Variants in LTBP1 observed in about 807,000 individuals in gnomAD.
LTBP1 encodes latent transforming growth factor beta binding protein 1, also known as latent-transforming growth factor beta-binding protein 1.
LTBP1 carries 129 observed loss-of-function variants against 207.6 expected under a neutral mutation model. That is an observed-to-expected ratio of 0.62 (90% CI 0.54 to 0.72). The LOEUF is 0.72. LTBP1 is among the 30% of genes least tolerant of loss of function. The probability of loss-of-function intolerance (pLI) is 0.00; values close to 1 mark genes in which losing one functional copy is unlikely to be tolerated. For missense variants in LTBP1, 2,281 were observed against 2,217.2 expected (o/e 1.03, Z -0.58); for synonymous variants, 963 against 833.7 (o/e 1.16, Z -2.67).
chr2:33,254,163 T>G (rs1055138644), intron 11 of LTBP1, among the ~76,000 whole-genome samples: 1 of 152,086 alleles, frequency 6.6e-6, no homozygotes, highest in Non-Finnish European at 1.5e-5. Context: ...ATTACAGGGA[T>G]GGTTCCACTC....
At position 32,947,215 on chromosome 2, in the gene LTBP1, G is replaced by A; in HGVS notation, c.-110G>A. On this transcript the variant is annotated 5_prime_UTR_variant, in exon 1 of 34. Transcript: ENST00000404816. ...GACTTGGTCTCCTCCCGCCTTTCCC[G>A]GGCTCTCGGCAGCTCTCGGGGGAGC... is the stretch of plus-strand genomic sequence containing the variant. The A allele has an allele frequency of 3.5e-6, 3 of 851,402 alleles. No individual in the cohort carries two copies. The highest frequency in any genetic ancestry group is 1.8e-5 in the African/African-American group (1 of 56,438). 52.7% of individuals were successfully genotyped at this position (851,402 alleles called of 1,614,324 possible).
intron 3 of LTBP1, among the ~76,000 whole-genome samples, chr2:33,041,302 TG>T (rs770713832): frequency 1.5e-4 from 23 of 152,230 alleles, no homozygotes; most frequent in Non-Finnish European, 2.2e-4. Flanking sequence ...TTTTCTTTTT[TG>T]AGACGGAGTC....
At chr2:33,176,389 C>T (rs1395166236) in intron 5 of LTBP1, among the ~76,000 whole-genome samples, 3 of 151,978 alleles carry the variant, frequency 2.0e-5, no homozygotes. Flanking sequence ...CCACGCCCGG[C>T]TAATTTTTTG....
At chr2:33,015,622 G>C (rs1004985435) in intron 2 of LTBP1, among the ~76,000 whole-genome samples, 1 of 134,276 alleles carries the variant, frequency 7.4e-6, no homozygotes, top group Non-Finnish European at 1.6e-5. Flanking sequence ...TACAAAGGTC[G>C]TGATAGGGCT....
intron 18 of LTBP1, among the ~76,000 whole-genome samples, chr2:33,277,799 C>T (rs4670378): frequency 0.12 from 4,754 of 40,812 alleles, 13 homozygotes; most frequent in African/African-American, 0.2. Context: ...CTTTCTTTCT[C>T]TCTCTCTTTC....
intron 5 of LTBP1, among the ~76,000 whole-genome samples, chr2:33,156,847 G>A (rs760731800): frequency 2.0e-5 from 3 of 152,026 alleles, no homozygotes; most frequent in Non-Finnish European, 4.4e-5. Context: ...ATATTTTTAT[G>A]TCATTTAGCT....
intron 22 of LTBP1, among the ~76,000 whole-genome samples, chr2:33,306,827 C>A (rs2094104521): frequency 6.6e-6 from 1 of 152,116 alleles, no homozygotes; most frequent in Non-Finnish European, 1.5e-5. Flanking sequence ...CAGTGGCTCA[C>A]ACCTGTAATC....
intron 3 of LTBP1, among the ~76,000 whole-genome samples, chr2:33,104,614 C>G (rs979077549): frequency 3.9e-5 from 6 of 152,164 alleles, no homozygotes; most frequent in East Asian, 1.9e-4. Context: ...CCTCTTCTGA[C>G]TTTTTGGCCT....
chr2:33,177,241 C>T (rs1274711105), intron 5 of LTBP1, among the ~76,000 whole-genome samples: 3 of 152,176 alleles, frequency 2.0e-5, no homozygotes, highest in Non-Finnish European at 1.5e-5. Context: ...AGCACATTGC[C>T]TTGCATACTA....
At chr2:33,382,375 G>A (rs1039669326) in intron 31 of LTBP1, among the ~76,000 whole-genome samples, 10 of 152,080 alleles carry the variant, frequency 6.6e-5, no homozygotes, top group South Asian at 2.1e-4. Flanking sequence ...GATTATAGGC[G>A]TGAGCCACGG....
rs1393473281 is a variant in LTBP1 at position 33,000,919 on chromosome 2, T to TG, written c.566-19989dup. Among the ~76,000 whole-genome samples the TG allele has an allele frequency of 2.2e-5, 3 of 134,584 alleles. 1 individual carries two copies. Among genetic ancestry groups the TG allele is most frequent in the Non-Finnish European group, 4.9e-5 (3 of 61,248 alleles). The allele number at this position is 134,584 out of a possible 152,430, so 88.3% of individuals were successfully genotyped here. ...CATGTATTAAGCTTCAGTGTACAATTGCATTTGAAAAGAGGATTTTTTTTC... is the reference window on the plus strand; with the variant it reads ...CATGTATTAAGCTTCAGTGTACAATTGGCATTTGAAAAGAGGATTTTTTTTC... On this transcript the variant is annotated intron_variant, in intron 2 of 33. Transcript: ENST00000404816.
chr2:33,306,457 C>A (rs1035593514), intron 22 of LTBP1, among the ~76,000 whole-genome samples: 4 of 152,066 alleles, frequency 2.6e-5, no homozygotes, highest in African/African-American at 9.7e-5. Flanking sequence ...GTAATCCCAG[C>A]TACTGGGGAG....
intron 3 of LTBP1, among the ~76,000 whole-genome samples, chr2:33,065,548 A>T (rs1572463310): frequency 6.6e-6 from 1 of 151,254 alleles, no homozygotes; most frequent in East Asian, 1.9e-4. Flanking sequence ...AGACCTTGTC[A>T]CCCTGTTTCT....
At chr2:33,146,867 G>T (rs1292948672) in intron 5 of LTBP1, among the ~76,000 whole-genome samples, 1 of 152,224 alleles carries the variant, frequency 6.6e-6, no homozygotes, top group African/African-American at 2.4e-5. Context: ...TGGGCCCGGG[G>T]ATTACACTGG....
chr2:33,204,196 C>T (rs60558455), intron 7 of LTBP1, among the ~76,000 whole-genome samples: 1 of 151,884 alleles, frequency 6.6e-6, no homozygotes, highest in Non-Finnish European at 1.5e-5. Context: ...TTTTTCCTTT[C>T]TCATCCTTCC....
chr2:33,154,596 G>A (rs993200464), intron 5 of LTBP1, among the ~76,000 whole-genome samples: 3 of 152,186 alleles, frequency 2.0e-5, no homozygotes, highest in African/African-American at 7.2e-5. Flanking sequence ...GGACTGAATT[G>A]TTGGGCAGTT....
intron 3 of LTBP1, among the ~76,000 whole-genome samples, chr2:33,047,140 T>C (rs1449275451): frequency 6.6e-6 from 1 of 152,178 alleles, no homozygotes; most frequent in African/African-American, 2.4e-5. Context: ...TTAAGTTATT[T>C]CTTGTCTTCT....
At chr2:33,233,258 G>T (rs1348224548) in intron 9 of LTBP1, among the ~76,000 whole-genome samples, 1 of 151,982 alleles carries the variant, frequency 6.6e-6, no homozygotes, top group Non-Finnish European at 1.5e-5. Context: ...GGTTATCTCA[G>T]TTCCATTTTC....
intron 7 of LTBP1, among the ~76,000 whole-genome samples, chr2:33,204,653 T>C (rs1010760029): frequency 6.6e-5 from 10 of 152,050 alleles, no homozygotes; most frequent in Non-Finnish European, 1.0e-4. Context: ...GATCATAGCA[T>C]GCTGCAAGCT....
Sources: allele counts gnomAD v4.1 joint callset (sites outside exome capture counted in the v4.1 genomes callset), GRCh38; gene constraint gnomAD v4.1.1; transcripts MANE v1.5; gene names NCBI Gene and HGNC (gene_info 2026-07-23, HGNC 2026-07-21).